CTIF: variants seen among roughly 807,000 people sequenced by gnomAD.
CTIF encodes the protein cap binding complex dependent translation initiation factor, also known as CBP80/20-dependent translation initiation factor.
CTIF carries 21 observed loss-of-function variants against 66.0 expected under a neutral mutation model. That is an observed-to-expected ratio of 0.32 (90% confidence interval 0.23 to 0.46). The LOEUF is 0.46. CTIF is among the 20% of genes least tolerant of loss of function. CTIF has a pLI of 1.00. For missense variants in CTIF, 739 were observed against 812.7 expected (o/e 0.91, Z 1.10); for synonymous variants, 345 against 326.4 (o/e 1.06, Z -0.62).
intron 6 of CTIF, among the ~76,000 whole-genome samples, chr18:48,705,168 G>A (rs1164460837): frequency 6.6e-6 from 1 of 152,178 alleles, no homozygotes; most frequent in African/African-American, 2.4e-5. Flanking sequence ...CATTGCTGAC[G>A]GCAACAGCAG....
intron 7 of CTIF, among the ~76,000 whole-genome samples, chr18:48,721,758 T>TC (rs1008858677): frequency 1.2e-4 from 18 of 151,432 alleles, no homozygotes; most frequent in African/African-American, 4.1e-4. Flanking sequence ...CATCCCCCCC[T>TC]CTCTGTCCTG....
chr18:48,771,000 C>G (rs984472182), intron 9 of CTIF, among the ~76,000 whole-genome samples: 9 of 152,106 alleles, frequency 5.9e-5, no homozygotes, highest in Admixed American at 1.3e-4. Context: ...CCATTTCCCC[C>G]CCCTACGCTG....
intron 9 of CTIF, among the ~76,000 whole-genome samples, chr18:48,797,131 A>C (rs1174077465): frequency 1.3e-5 from 2 of 152,124 alleles, no homozygotes; most frequent in East Asian, 3.9e-4. Flanking sequence ...TATCTAAACT[A>C]TCCCTAATTT....
At chr18:48,698,929 C>A (rs1323957530) in intron 6 of CTIF, among the ~76,000 whole-genome samples, 1 of 152,156 alleles carries the variant, frequency 6.6e-6, no homozygotes, top group Non-Finnish European at 1.5e-5. Context: ...GCCGCTGGCA[C>A]CACATAAGCC....
intron 2 of CTIF, among the ~76,000 whole-genome samples, chr18:48,620,501 G>C (rs2090474358): frequency 6.6e-6 from 1 of 152,216 alleles, no homozygotes; most frequent in Non-Finnish European, 1.5e-5. Flanking sequence ...TTGGCTTCTA[G>C]CTGCCAGTGT....
intron 1 of CTIF, among the ~76,000 whole-genome samples, chr18:48,594,234 C>G (rs1431947575): frequency 2.6e-5 from 4 of 152,144 alleles, no homozygotes; most frequent in Non-Finnish European, 5.9e-5. Flanking sequence ...CACGGGGTCC[C>G]ACACTCAGAA....
At chr18:48,781,354 G>A (rs771641774) in intron 9 of CTIF, among the ~76,000 whole-genome samples, 20 of 152,176 alleles carry the variant, frequency 1.3e-4, no homozygotes, top group African/African-American at 4.8e-4. Context: ...GCAGAGACTC[G>A]GCGTCACAGT....
At chr18:48,655,729 G>A (rs1476973911) in intron 3 of CTIF, among the ~76,000 whole-genome samples, 1 of 152,124 alleles carries the variant, frequency 6.6e-6, no homozygotes, top group African/African-American at 2.4e-5. Context: ...ACCTGATGTA[G>A]CAGGCCTGCT....
At position 48,859,766 on chromosome 18, in the gene CTIF, A is replaced by G. The variant is rs1568275759; in HGVS notation, c.*207A>G. 2.9e-6 allele frequency: 2 copies of G among 697,314 alleles called. No individual in the cohort carries two copies. The highest frequency in any genetic ancestry group is 5.2e-6 in the Non-Finnish European group (2 of 382,080). 43.2% of individuals were successfully genotyped at this position (697,314 alleles called of 1,614,324 possible). The stretch of plus-strand genomic sequence containing the variant: ...CCCGCACAAGCCCCCCAGCCCGAGC[A>G]TGCAAGCTCACACCAATAAGGGAAG... On this transcript the variant is annotated 3_prime_UTR_variant, in exon 12 of 12. Coordinates refer to ENST00000256413, the MANE Select transcript of CTIF (RefSeq NM_014772.3).
At chr18:48,561,098 G>T (rs1318150235) in intron 1 of CTIF, among the ~76,000 whole-genome samples, 2 of 152,200 alleles carry the variant, frequency 1.3e-5, no homozygotes, top group South Asian at 4.1e-4. Flanking sequence ...AATTAGCCGG[G>T]TGTGGTAGCA....
At position 48,730,409 on chromosome 18, in the gene CTIF, G is replaced by A. The variant is rs547490898; in HGVS notation, c.584+18714G>A. 1.0e-3 allele frequency among the ~76,000 whole-genome samples: 133 copies of A among 128,290 alleles called. 6 individuals carry two copies. Among genetic ancestry groups the A allele is most frequent in the Admixed American group, 1.7e-3 (22 of 13,062 alleles). 84.2% of individuals were successfully genotyped at this position (128,290 alleles called of 152,430 possible). ...CTCCTGCTGTGTGAGGGGCTTCCACGGTGTGTGGGGCCCCTGCGCTGTGAG... is the reference window on the plus strand; with the variant it reads ...CTCCTGCTGTGTGAGGGGCTTCCACAGTGTGTGGGGCCCCTGCGCTGTGAG... On this transcript the variant is annotated intron_variant, in intron 7 of 11. Coordinates refer to ENST00000256413, the MANE Select transcript of CTIF (RefSeq NM_014772.3).
At chr18:48,654,697 C>T (rs1165483680) in intron 3 of CTIF, among the ~76,000 whole-genome samples, 1 of 152,200 alleles carries the variant, frequency 6.6e-6, no homozygotes, top group Non-Finnish European at 1.5e-5. Context: ...CGGCACTATT[C>T]ACAATAGCAA....
rs557555770 is a variant in CTIF at position 48,711,907 on chromosome 18, C to T, written c.584+212C>T. On this transcript the variant is annotated intron_variant, in intron 7 of 11. Transcript: ENST00000256413. ...TCTTGTTGGCCTAGGGATTGGCTCC[C>T]TTCAGGCGTTTGGCTGAGAGCCCAC... Among the ~76,000 whole-genome samples the T allele has an allele frequency of 2.0e-3, 298 of 152,294 alleles. 1 individual carries two copies. The highest frequency in any genetic ancestry group is 7.1e-3 in the African/African-American group (294 of 41,550).
At chr18:48,594,567 G>C (rs1352000729) in intron 1 of CTIF, among the ~76,000 whole-genome samples, 2 of 152,074 alleles carry the variant, frequency 1.3e-5, no homozygotes, top group Non-Finnish European at 2.9e-5. Context: ...ACATTCTCCA[G>C]CCACCACTTT....
chr18:48,752,353 A>G (rs1261162143), intron 7 of CTIF, among the ~76,000 whole-genome samples: 2 of 152,216 alleles, frequency 1.3e-5, no homozygotes, highest in Non-Finnish European at 2.9e-5. Context: ...CGCCATCATG[A>G]TAATGATGGC....
intron 6 of CTIF, among the ~76,000 whole-genome samples, chr18:48,685,704 T>A (rs367965437): frequency 2.3e-4 from 35 of 151,850 alleles, no homozygotes; most frequent in Non-Finnish European, 1.3e-4. Context: ...TGAGACAGAG[T>A]CATGCTCTGT....
intron 9 of CTIF, among the ~76,000 whole-genome samples, chr18:48,788,890 A>G (rs2067734006): frequency 6.6e-6 from 1 of 152,202 alleles, no homozygotes; most frequent in African/African-American, 2.4e-5. Context: ...GTACTATGAC[A>G]TCAGAGTGAG....
At chr18:48,734,331 C>T (rs780994961) in intron 7 of CTIF, among the ~76,000 whole-genome samples, 79 of 152,246 alleles carry the variant, frequency 5.2e-4, no homozygotes, top group Non-Finnish European at 9.7e-4. Flanking sequence ...TTTGGGATGC[C>T]GAGGCAGGTG....
At chr18:48,832,145 CCTGCAGGGT>C (rs2068705331) in intron 10 of CTIF, among the ~76,000 whole-genome samples, 2 of 150,654 alleles carry the variant, frequency 1.3e-5, no homozygotes, top group South Asian at 4.2e-4. Context: ...TGGAGAGCTC[CCTGCAGGGT>C]CTGGAAAACG....
Sources: gnomAD v4.1 joint callset for allele counts (sites outside exome capture counted in the v4.1 genomes callset) on GRCh38, gnomAD v4.1.1 for gene constraint, MANE v1.5 for transcripts, NCBI Gene and HGNC (gene_info 2026-07-23, HGNC 2026-07-21) for gene names.